Variants in CPA6 observed in about 807,000 individuals in gnomAD.
CPA6 encodes carboxypeptidase B.
A neutral mutation model predicts 63.3 loss-of-function variants in CPA6; 58 were observed. That is an observed-to-expected ratio of 0.92 (90% confidence interval 0.74 to 1.14). The LOEUF (loss-of-function observed/expected upper bound fraction) is 1.14, where lower values mean the gene tolerates loss of function less well. Among genes scored for constraint, CPA6 ranks in the 50% most tolerant of loss-of-function variants. CPA6 has a pLI of 0.00. For synonymous variants in CPA6, 185 were observed against 179.0 expected, an observed-to-expected ratio of 1.03 and a Z score of -0.27; for missense variants, 565 against 526.6, an observed-to-expected ratio of 1.07 and a Z score of -0.71.
chr8:67,642,761 A>G (rs1022914166), intron 1 of CPA6, among the ~76,000 whole-genome samples: 1 of 151,188 alleles, frequency 6.6e-6, no homozygotes, highest in African/African-American at 2.4e-5. Flanking sequence ...CTACTTATCC[A>G]TGTGGGAAAA....
At chr8:67,430,131 ATGTG>A (rs58059553) in intron 9 of CPA6, among the ~76,000 whole-genome samples, 8,197 of 128,544 alleles carry the variant, frequency 0.064, 312 homozygotes, top group African/African-American at 0.089. Context: ...GTATATATAT[ATGTG>A]TGTGTGTGTG....
At chr8:67,727,137 A>C (rs184128367) in intron 1 of CPA6, among the ~76,000 whole-genome samples, 77 of 151,676 alleles carry the variant, frequency 5.1e-4, no homozygotes, top group Admixed American at 8.5e-4. Flanking sequence ...AAATACAGAA[A>C]AAAGTATAGG....
chr8:67,465,117 A>G (rs1810897228), intron 8 of CPA6, among the ~76,000 whole-genome samples: 1 of 152,066 alleles, frequency 6.6e-6, no homozygotes, highest in South Asian at 2.1e-4. Context: ...CCATTTTAAT[A>G]TTATTAATTT....
intron 8 of CPA6, among the ~76,000 whole-genome samples, chr8:67,435,450 C>T (rs1410781557): frequency 6.6e-6 from 1 of 152,128 alleles, no homozygotes; most frequent in African/African-American, 2.4e-5. Context: ...AGGAGAGCAT[C>T]ACACTCAGCC....
chr8:67,539,663 A>T (rs1284642869), intron 2 of CPA6, among the ~76,000 whole-genome samples: 1 of 152,100 alleles, frequency 6.6e-6, no homozygotes, highest in Non-Finnish European at 1.5e-5. Context: ...CTTTTCACAT[A>T]GTTCCATATT....
chr8:67,516,806 T>A (rs1367833702), intron 3 of CPA6, among the ~76,000 whole-genome samples: 2 of 152,132 alleles, frequency 1.3e-5, no homozygotes, highest in African/African-American at 4.8e-5. Flanking sequence ...TTCTTTTTTT[T>A]GAGACAGTGC....
At chr8:67,708,494 G>A (rs1196633448) in intron 1 of CPA6, among the ~76,000 whole-genome samples, 1 of 152,168 alleles carries the variant, frequency 6.6e-6, no homozygotes, top group Non-Finnish European at 1.5e-5. Flanking sequence ...CAGCTCAGGA[G>A]AAACAAGAGG....
In CPA6 at chr8:67,467,655, C is replaced by G. The variant is rs184301578; in HGVS notation, c.838+16113G>C. Among the ~76,000 whole-genome samples the G allele has an allele frequency of 3.9e-5, 6 of 152,132 alleles. No homozygotes were observed. In the East Asian group the frequency reaches 7.7e-4, roughly 20 times the overall value. ...TCCTGCTGTAGTTTCCTAACCAGTC[C>G]TTTGGTTGACACTGTTGATACTCAA... On this transcript the variant is annotated intron_variant, in intron 8 of 10. Coordinates refer to ENST00000297770, the MANE Select transcript of CPA6 (RefSeq NM_020361.5).
intron 1 of CPA6, among the ~76,000 whole-genome samples, chr8:67,652,228 C>T (rs1815864713): frequency 6.6e-6 from 1 of 152,222 alleles, no homozygotes; most frequent in South Asian, 2.1e-4. Context: ...TTTATAGCAG[C>T]ATGATTTATA....
chr8:67,658,208 C>A (rs1816032250), intron 1 of CPA6, among the ~76,000 whole-genome samples: 1 of 152,162 alleles, frequency 6.6e-6, no homozygotes, highest in Non-Finnish European at 1.5e-5. Context: ...CTATCTAACT[C>A]CATCTGAGGT....
chr8:67,657,585 T>A (rs1816015890), intron 1 of CPA6, among the ~76,000 whole-genome samples: 1 of 152,234 alleles, frequency 6.6e-6, no homozygotes, highest in Non-Finnish European at 1.5e-5. Flanking sequence ...CACTGGTATC[T>A]CCAGCAACCA....
chr8:67,686,405 T>C (rs1056688431), intron 1 of CPA6, among the ~76,000 whole-genome samples: 3 of 152,180 alleles, frequency 2.0e-5, no homozygotes, highest in African/African-American at 7.2e-5. Context: ...TAAAACCTGG[T>C]TCCGCATAAA....
At chr8:67,739,178 C>A (rs938653134) in intron 1 of CPA6, among the ~76,000 whole-genome samples, 1 of 152,138 alleles carries the variant, frequency 6.6e-6, no homozygotes, top group African/African-American at 2.4e-5. Flanking sequence ...GAAGTGCTGA[C>A]CCCCATACAG....
intron 8 of CPA6, among the ~76,000 whole-genome samples, chr8:67,473,083 T>A (rs1811099433): frequency 6.6e-6 from 1 of 152,188 alleles, no homozygotes; most frequent in Non-Finnish European, 1.5e-5. Flanking sequence ...TAAGAGCAAC[T>A]TAACAAAAGA....
At chr8:67,537,975 T>C (rs1160751948) in intron 2 of CPA6, among the ~76,000 whole-genome samples, 1 of 152,242 alleles carries the variant, frequency 6.6e-6, no homozygotes, top group Admixed American at 6.5e-5. Flanking sequence ...GCTGTTTAGT[T>C]CCCATGGAGT....
chr8:67,613,763 C>G (rs1814869979), intron 2 of CPA6, among the ~76,000 whole-genome samples: 1 of 152,198 alleles, frequency 6.6e-6, no homozygotes, highest in South Asian at 2.1e-4. Flanking sequence ...CCAGGCATTC[C>G]TGTTTTTGTG....
intron 2 of CPA6, among the ~76,000 whole-genome samples, chr8:67,604,629 G>A (rs2128983807): frequency 6.6e-6 from 1 of 152,218 alleles, no homozygotes; most frequent in East Asian, 1.9e-4. Context: ...GTATCCCTCA[G>A]CATCCAGAAC....
Position 67,699,586 on chromosome 8 carries a change from CTTCT to C in CPA6, c.116+46424_116+46427del, listed in dbSNP as rs1404158990. Among the ~76,000 whole-genome samples, 4 of 151,034 alleles carry C rather than the reference CTTCT, an allele frequency of 2.6e-5. No homozygotes were observed. The East Asian group carries it at 7.8e-4, about 29-fold the overall frequency. On this transcript the variant is annotated intron_variant, in intron 1 of 10. Coordinates refer to ENST00000297770, the MANE Select transcript of CPA6 (RefSeq NM_020361.5). Reference sequence around the variant, plus strand: ...AAAATTGAAGTGATTTATGTTTTTTCTTCTTTTTTTTTTTTCTTGAGACAGAGTT... The same window carrying C: ...AAAATTGAAGTGATTTATGTTTTTTCTTTTTTTTTTTCTTGAGACAGAGTT...
intron 1 of CPA6, among the ~76,000 whole-genome samples, chr8:67,740,997 G>A (rs1205778719): frequency 2.0e-5 from 3 of 152,214 alleles, no homozygotes; most frequent in African/African-American, 7.2e-5. Flanking sequence ...CAGCATGGGT[G>A]TGGCTAACCA....
Sources: gnomAD v4.1 joint callset for allele counts (sites outside exome capture counted in the v4.1 genomes callset) on GRCh38, gnomAD v4.1.1 for gene constraint, MANE v1.5 for transcripts, NCBI Gene and HGNC (gene_info 2026-07-23, HGNC 2026-07-21) for gene names.